Variants in PKP4 observed in about 807,000 individuals in gnomAD.
The protein encoded by PKP4 is plakophilin-4.
PKP4 carries 90 observed loss-of-function variants against 145.1 expected under a neutral mutation model. The observed-to-expected ratio is 0.62, with a 90% CI of 0.52 to 0.74. The LOEUF is 0.74. Ranked by LOEUF, PKP4 falls within the 30% of genes least tolerant of loss-of-function variation. The probability of loss-of-function intolerance (pLI) is 0.00; values close to 1 mark genes in which losing one functional copy is unlikely to be tolerated. For synonymous variants in PKP4, 563 were observed against 577.2 expected, an observed-to-expected ratio of 0.98 and a Z score of 0.35; for missense variants, 1,340 against 1,482.7, an observed-to-expected ratio of 0.90 and a Z score of 1.58.
At chr2:158,483,636 T>C (rs1008435170) in intron 1 of PKP4, among the ~76,000 whole-genome samples, 1 of 152,154 alleles carries the variant, frequency 6.6e-6, no homozygotes, top group African/African-American at 2.4e-5. Flanking sequence ...GGAAAAGTCA[T>C]TGTAGTGATT....
intron 1 of PKP4, among the ~76,000 whole-genome samples, chr2:158,466,238 T>C: frequency 6.6e-6 from 1 of 152,176 alleles, no homozygotes; most frequent in Non-Finnish European, 1.5e-5. Context: ...GATAATCGTG[T>C]CTGTTTGTGC....
chr2:158,583,563 C>T (rs1033547982), intron 3 of PKP4, among the ~76,000 whole-genome samples: 3 of 152,228 alleles, frequency 2.0e-5, no homozygotes, highest in Non-Finnish European at 4.4e-5. Flanking sequence ...AAATTCAACC[C>T]TTTGTAGTGT....
At chr2:158,534,532 G>A (rs186179600) in intron 2 of PKP4, among the ~76,000 whole-genome samples, 47 of 152,266 alleles carry the variant, frequency 3.1e-4, no homozygotes, top group South Asian at 8.3e-4. Context: ...AGGACTCTTC[G>A]ATAGCACTTC....
chr2:158,645,584 TGA>T (rs947183305), intron 11 of PKP4, among the ~76,000 whole-genome samples: 1 of 152,214 alleles, frequency 6.6e-6, no homozygotes, highest in African/African-American at 2.4e-5. Context: ...CGCTACTCCC[TGA>T]GAGAGCAGTG....
At chr2:158,633,406 A>T (rs1203791615) in intron 8 of PKP4, among the ~76,000 whole-genome samples, 1 of 152,256 alleles carries the variant, frequency 6.6e-6, no homozygotes, top group Non-Finnish European at 1.5e-5. Flanking sequence ...CTGCTAAGTG[A>T]CTAACAGACT....
At chr2:158,507,422 A>G (rs905515920) in intron 1 of PKP4, among the ~76,000 whole-genome samples, 2 of 152,210 alleles carry the variant, frequency 1.3e-5, no homozygotes, top group African/African-American at 4.8e-5. Flanking sequence ...ACAGTGGTGA[A>G]GATCAACAGA....
At chr2:158,668,000 G>A (rs142652179) in intron 16 of PKP4, among the ~76,000 whole-genome samples, 4 of 152,112 alleles carry the variant, frequency 2.6e-5, no homozygotes, top group South Asian at 2.1e-4. Flanking sequence ...ATTTCACAAC[G>A]CAAAGACACA....
chr2:158,511,009 G>A (rs1031166159), intron 1 of PKP4, among the ~76,000 whole-genome samples: 1 of 152,210 alleles, frequency 6.6e-6, no homozygotes, highest in Non-Finnish European at 1.5e-5. Flanking sequence ...GAGTGGTAGG[G>A]GAAGGCCTCT....
rs896994326 is a variant in PKP4 at position 158,581,106 on chromosome 2, T to C, written c.245+3723T>C. Among the ~76,000 whole-genome samples the C allele has an allele frequency of 5.9e-5, 9 of 152,248 alleles. No homozygotes were observed. In the East Asian group the frequency reaches 1.5e-3, roughly 26 times the overall value. ...GTTTTTTATTGTGTCACTTGAGAGATCCCCCTTGCATCTCCAGTGTGTTTC... is the reference window on the plus strand; with the variant it reads ...GTTTTTTATTGTGTCACTTGAGAGACCCCCCTTGCATCTCCAGTGTGTTTC... On this transcript the variant is annotated intron_variant, in intron 3 of 21. Transcript: ENST00000389759.
At chr2:158,578,312 A>G (rs966703858) in intron 3 of PKP4, 33 of 168,034 alleles carry the variant, frequency 2.0e-4, no homozygotes, top group Non-Finnish European at 1.3e-4. Context: ...AGTTGTGTAT[A>G]TTGATATGTT....
chr2:158,495,217 C>CA (rs200919165), intron 1 of PKP4, among the ~76,000 whole-genome samples: 44 of 150,916 alleles, frequency 2.9e-4, no homozygotes, highest in Middle Eastern at 3.4e-3. Context: ...GACTCCGTCT[C>CA]AAAAGAAATA....
chr2:158,470,089 C>G (rs529985607), intron 1 of PKP4, among the ~76,000 whole-genome samples: 20 of 152,324 alleles, frequency 1.3e-4, no homozygotes, highest in African/African-American at 4.6e-4. Context: ...GTGTCTGTTT[C>G]CTGGCTATTT....
At chr2:158,468,813 C>T (rs1172043605) in intron 1 of PKP4, among the ~76,000 whole-genome samples, 8 of 136,288 alleles carry the variant, frequency 5.9e-5, no homozygotes, top group Admixed American at 2.4e-4. Flanking sequence ...ACTCTGTCAC[C>T]CAGGCTGGAG....
chr2:158,579,801 C>G (rs1444107738), intron 3 of PKP4, among the ~76,000 whole-genome samples: 1 of 151,770 alleles, frequency 6.6e-6, no homozygotes, highest in African/African-American at 2.4e-5. Context: ...CTGTAAGTTG[C>G]AGAAGAATAG....
chr2:158,674,675 T>A (rs1281225723), intron 19 of PKP4, among the ~76,000 whole-genome samples: 1 of 152,230 alleles, frequency 6.6e-6, no homozygotes, highest in Non-Finnish European at 1.5e-5. Context: ...TGTTTTGAGA[T>A]TCAGACTTAA....
At chr2:158,568,131 C>A (rs1026917977) in intron 2 of PKP4, among the ~76,000 whole-genome samples, 2 of 152,092 alleles carry the variant, frequency 1.3e-5, no homozygotes, top group African/African-American at 4.8e-5. Context: ...GTCAGGAGTT[C>A]AAGACCAGCC....
intron 1 of PKP4, among the ~76,000 whole-genome samples, chr2:158,479,470 C>A (rs1693015452): frequency 6.6e-6 from 1 of 152,170 alleles, no homozygotes; most frequent in Non-Finnish European, 1.5e-5. Flanking sequence ...GCGATCGGCC[C>A]GCCTTAGCCT....
At chr2:158,676,543 C>T (rs938911329) in intron 19 of PKP4, among the ~76,000 whole-genome samples, 196 bp from the exon 20 acceptor site, 1 of 152,158 alleles carries the variant, frequency 6.6e-6, no homozygotes, top group Non-Finnish European at 1.5e-5. Context: ...CAGTGGCAGG[C>T]CTGCATGCAG....
intron 4 of PKP4, among the ~76,000 whole-genome samples, chr2:158,604,693 A>G (rs1170003430): frequency 6.6e-6 from 1 of 152,162 alleles, no homozygotes; most frequent in Non-Finnish European, 1.5e-5. Flanking sequence ...TCTGGACCAC[A>G]GTGTGAGATG....
Sources: gnomAD v4.1 joint callset for allele counts (sites outside exome capture counted in the v4.1 genomes callset) on GRCh38, gnomAD v4.1.1 for gene constraint, MANE v1.5 for transcripts, NCBI Gene and HGNC (gene_info 2026-07-23, HGNC 2026-07-21) for gene names.